The following APCDD1L variants were observed in gnomAD, a reference collection of about 807,000 sequenced individuals.
The protein encoded by APCDD1L is APC down-regulated 1 like.
In APCDD1L, 21 loss-of-function variants were observed where a neutral mutation model predicts 24.2. The ratio of observed to expected loss-of-function variants is 0.87; its 90% CI spans 0.61 to 1.25. The LOEUF (loss-of-function observed/expected upper bound fraction) is 1.25, where lower values mean the gene tolerates loss of function less well. APCDD1L is among the 50% of genes most tolerant of loss of function. APCDD1L has a pLI of 0.00. For synonymous variants in APCDD1L, 321 were observed against 323.6 expected (o/e 0.99, Z 0.09); for missense variants, 704 against 711.7 (o/e 0.99, Z 0.12).
intron 1 of APCDD1L, 46 bp downstream of exon 1, chr20:58,514,613 C>T: frequency 4.6e-6 from 6 of 1,303,556 alleles, no homozygotes; most frequent in Non-Finnish European, 5.9e-6. Flanking sequence ...AGCTCCCTCC[C>T]TTCCGAGCTC....
At chr20:58,513,607 G>A (rs563885576) in intron 1 of APCDD1L, among the ~76,000 whole-genome samples, 28 of 152,298 alleles carry the variant, frequency 1.8e-4, no homozygotes, top group African/African-American at 6.0e-4. Context: ...GGAGCAGAGC[G>A]TGCTCTGTGG....
Position 58,494,750 on chromosome 20 carries a change from C to G in APCDD1L, c.49+19909G>C, listed in dbSNP as rs1033620971. 6.6e-6 allele frequency among the ~76,000 whole-genome samples: 1 copy of G among 152,150 alleles called. No homozygotes were observed. The highest frequency in any genetic ancestry group is 6.5e-5 in the Admixed American group (1 of 15,280). ...AAGCCCCTTCCATTCTGAAGTGCTA[C>G]GAGCCCCGTACTTTGCCTGTGATTC... is the stretch of plus-strand genomic sequence containing the variant. On this transcript the variant is annotated intron_variant, in intron 1 of 3. Coordinates refer to ENST00000371149, the MANE Select transcript of APCDD1L (RefSeq NM_153360.3). The surrounding 1 kb of genome is among the most constrained non-coding windows in gnomAD (Gnocchi z 4.8).
At chr20:58,488,508 T>G (rs1301133038) in intron 1 of APCDD1L, among the ~76,000 whole-genome samples, 4 of 152,222 alleles carry the variant, frequency 2.6e-5, no homozygotes, top group Non-Finnish European at 5.9e-5. Flanking sequence ...ATAATTGGTA[T>G]TATACAGGCT....
intron 1 of APCDD1L, among the ~76,000 whole-genome samples, chr20:58,482,855 C>T (rs144569806): frequency 1.6e-4 from 24 of 152,268 alleles, no homozygotes; most frequent in Non-Finnish European, 2.2e-4. Context: ...AACTGTAAAC[C>T]CCTAGCCTCC....
At chr20:58,470,503 T>A in intron 2 of APCDD1L, 106 bp downstream of exon 2, 1 of 1,418,388 alleles carries the variant, frequency 7.1e-7, no homozygotes, top group East Asian at 2.5e-5. Flanking sequence ...GAAGGCCTCT[T>A]GGATAACTAT....
chr20:58,463,143 C>CAAAAAA (rs398036014), intron 3 of APCDD1L, among the ~76,000 whole-genome samples: 9 of 93,694 alleles, frequency 9.6e-5, no homozygotes, highest in South Asian at 4.6e-4. Flanking sequence ...CTCCATCTCA[C>CAAAAAA]AAAAAAAAAA....
rs199805764 is a variant in APCDD1L, at chr20:58,467,504, C to T, written c.343G>A (p.Ala115Thr). 1,313 of 1,599,920 alleles carry T rather than the reference C, an allele frequency of 8.2e-4. 19 individuals carry two copies. The highest frequency in any genetic ancestry group is 8.8e-5 in the Non-Finnish European group (103 of 1,173,346). The part of the protein sequence containing the change: ...LVKGKVRLRR[A>T]SWVTRGATEA... Reference sequence around the variant, plus strand: ...GTGGCTCCCCGGGTGACCCAGGAGGCCCGGCGCAGGCGGACTTTGCCCTTG... The same window carrying T: ...GTGGCTCCCCGGGTGACCCAGGAGGTCCGGCGCAGGCGGACTTTGCCCTTG... Residue 115 changes from alanine to threonine, a missense_variant, in exon 3 of 4, where the codon GCC becomes ACC. Transcript: ENST00000371149. This position sits in a 1 kb window ranked among gnomAD's most constrained non-coding sequence, Gnocchi z 5.9.
chr20:58,501,246 C>T (rs1990431556), intron 1 of APCDD1L, among the ~76,000 whole-genome samples: 1 of 152,166 alleles, frequency 6.6e-6, no homozygotes, highest in South Asian at 2.1e-4. Flanking sequence ...ACTGTATTCT[C>T]CCCAAATTCT....
intron 1 of APCDD1L, among the ~76,000 whole-genome samples, chr20:58,479,108 G>C (rs1005396613): frequency 3.3e-5 from 5 of 152,166 alleles, no homozygotes; most frequent in Non-Finnish European, 7.3e-5. Context: ...AGCCATAAAT[G>C]TCAGCCCTGC....
intron 1 of APCDD1L, among the ~76,000 whole-genome samples, chr20:58,512,792 G>A (rs1388727474): frequency 2.0e-5 from 3 of 152,204 alleles, no homozygotes; most frequent in African/African-American, 4.8e-5. Flanking sequence ...GAAGCGTTCA[G>A]TGGAAAATAG....
chr20:58,470,637 G>A lies in APCDD1L; in HGVS notation c.160C>T (p.Arg54Cys), dbSNP rs199788439. The change falls in exon 2 of 4, where the codon CGC (arginine) becomes TGC (cysteine). Residue 54 changes from arginine (R) to cysteine (C), a missense_variant. Transcript: ENST00000371149. The stretch of plus-strand genomic sequence containing the variant: ...GTGGAGATCCAAGGTCCATTAAGGC[G>A]TGGAGGCAGGATCGCAGTGCTGGGC... ...RVPSTAILPP[R>C]LNGPWISTGC... 5.5e-5 allele frequency: 87 copies of A among 1,583,898 alleles called. No homozygotes were observed. Among genetic ancestry groups the A allele is most frequent in the Admixed American group, 4.4e-4 (24 of 54,948 alleles).
chr20:58,466,793 C>T (rs6015284), intron 3 of APCDD1L, among the ~76,000 whole-genome samples: 30,143 of 152,146 alleles, frequency 0.2, 3,472 homozygotes, highest in African/African-American at 0.29. Flanking sequence ...CCCACCAAGC[C>T]TCTGTGCCCA....
intron 3 of APCDD1L, among the ~76,000 whole-genome samples, chr20:58,466,316 T>G (rs923490100): frequency 6.6e-6 from 1 of 152,142 alleles, no homozygotes; most frequent in Non-Finnish European, 1.5e-5. Flanking sequence ...CCCGGACAGC[T>G]TGCTGGAAAT....
chr20:58,467,058 C>T lies in APCDD1L; in HGVS notation c.741+48G>A. On this transcript the variant is annotated intron_variant, in intron 3 of 3. Coordinates refer to ENST00000371149, the MANE Select transcript of APCDD1L (RefSeq NM_153360.3). This position sits in a 1 kb window ranked among gnomAD's most constrained non-coding sequence, Gnocchi z 5.9. ...GCGGGGCTGGGTTCCGAGCTCGCCT[C>T]CCCGAGACCACCACCCCCCTCTCCC... 2.6e-6 allele frequency: 4 copies of T among 1,544,118 alleles called. No homozygotes were observed. Among genetic ancestry groups the T allele is most frequent in the Non-Finnish European group, 8.7e-7 (1 of 1,149,662 alleles).
At chr20:58,513,570 C>G (rs1413374093) in intron 1 of APCDD1L, among the ~76,000 whole-genome samples, 2 of 152,206 alleles carry the variant, frequency 1.3e-5, no homozygotes, top group Non-Finnish European at 2.9e-5. Context: ...CTCGAGGTGA[C>G]TTAGACTTTG....
chr20:58,513,051 C>T (rs1990659234), intron 1 of APCDD1L, among the ~76,000 whole-genome samples: 1 of 152,212 alleles, frequency 6.6e-6, no homozygotes, highest in Non-Finnish European at 1.5e-5. Context: ...TGACGGGAAG[C>T]TCCGGCCTGC....
intron 2 of APCDD1L, among the ~76,000 whole-genome samples, chr20:58,468,659 C>T (rs776359209): frequency 2.0e-5 from 3 of 152,158 alleles, no homozygotes; most frequent in Non-Finnish European, 4.4e-5. Context: ...CTTCTGCCTC[C>T]TGGGTTCAAG....
At chr20:58,491,013 G>C (rs73915894) in intron 1 of APCDD1L, among the ~76,000 whole-genome samples, 5,797 of 152,252 alleles carry the variant, frequency 0.038, 160 homozygotes, top group African/African-American at 0.07. Context: ...CACATTCACA[G>C]ATTAAAAGAT....
At position 58,514,842 on chromosome 20, in the gene APCDD1L, C is replaced by A. The variant is rs1990709586; in HGVS notation, c.-135G>T. On this transcript the variant is annotated 5_prime_UTR_variant, in exon 1 of 4. Coordinates refer to ENST00000371149, the MANE Select transcript of APCDD1L (RefSeq NM_153360.3). ...CTGCGAAGAAGTTGCGAGGGTCCTG[C>A]GCCCCCCTCGGCGCTCACACGCGCT... 1 of 616,154 alleles carries A rather than the reference C, an allele frequency of 1.6e-6. No individual in the cohort carries two copies. Among genetic ancestry groups the A allele is most frequent in the Non-Finnish European group, 2.4e-6 (1 of 420,836 alleles). 38.2% of individuals were successfully genotyped at this position (616,154 alleles called of 1,614,324 possible).
Sources: allele counts gnomAD v4.1 joint callset (sites outside exome capture counted in the v4.1 genomes callset), GRCh38; gene constraint gnomAD v4.1.1; non-coding constraint Gnocchi (gnomAD v3.1); transcripts MANE v1.5; gene names NCBI Gene and HGNC (gene_info 2026-07-23, HGNC 2026-07-21).